MAGI2: variants seen among roughly 807,000 people sequenced by gnomAD.
The protein encoded by MAGI2 is membrane associated guanylate kinase, WW and PDZ domain containing 2, also known as membrane-associated guanylate kinase, WW and PDZ domain-containing protein 2.
A neutral mutation model predicts 133.3 loss-of-function variants in MAGI2; 35 were observed. The observed-to-expected ratio is 0.26, with a 90% CI of 0.20 to 0.35. The LOEUF (loss-of-function observed/expected upper bound fraction) is 0.35, where lower values mean the gene tolerates loss of function less well. Ranked by LOEUF, MAGI2 falls within the 10% of genes least tolerant of loss-of-function variation. The pLI, the probability that MAGI2 is intolerant of heterozygous loss-of-function variation, is 1.00. For missense variants in MAGI2, 1,636 were observed against 1,863.4 expected, an observed-to-expected ratio of 0.88 and a Z score of 2.25; for synonymous variants, 729 against 710.6, an observed-to-expected ratio of 1.03 and a Z score of -0.41.
chr7:79,028,443 T>A (rs2116783584), intron 1 of MAGI2, among the ~76,000 whole-genome samples: 1 of 151,180 alleles, frequency 6.6e-6, no homozygotes, highest in African/African-American at 2.4e-5. Flanking sequence ...GAGAGGCAGT[T>A]GTATTTATAG....
chr7:78,166,375 G>A (rs1481169341), intron 15 of MAGI2, among the ~76,000 whole-genome samples: 1 of 152,094 alleles, frequency 6.6e-6, no homozygotes, highest in Non-Finnish European at 1.5e-5. Flanking sequence ...ATTACTCTGC[G>A]GGGAGAGAGA....
chr7:79,385,696 G>A (rs67486505), intron 1 of MAGI2, among the ~76,000 whole-genome samples: 20,767 of 151,736 alleles, frequency 0.14, 1,548 homozygotes, highest in South Asian at 0.25. Flanking sequence ...CGAGGGGGAC[G>A]GAAATGGGGA....
chr7:79,347,151 C>T (rs1841382431), intron 1 of MAGI2, among the ~76,000 whole-genome samples: 1 of 151,910 alleles, frequency 6.6e-6, no homozygotes, highest in Admixed American at 6.6e-5. Flanking sequence ...TTTTATTTTA[C>T]AAGGAGCCTG....
At chr7:79,084,743 C>T (rs1458708801) in intron 1 of MAGI2, among the ~76,000 whole-genome samples, 1 of 151,680 alleles carries the variant, frequency 6.6e-6, no homozygotes, top group African/African-American at 2.4e-5. Context: ...ATTTGAGTCT[C>T]CAACTAATAC....
intron 9 of MAGI2, among the ~76,000 whole-genome samples, chr7:78,332,491 G>A (rs1471964481): frequency 2.6e-5 from 4 of 152,182 alleles, no homozygotes; most frequent in African/African-American, 9.7e-5. Context: ...AAGGTCAGGA[G>A]ATCGAGACCA....
intron 1 of MAGI2, among the ~76,000 whole-genome samples, chr7:79,025,279 T>C (rs1027041931): frequency 2.0e-5 from 3 of 152,118 alleles, no homozygotes; most frequent in African/African-American, 7.2e-5. Context: ...CATTTTCTCA[T>C]GTATAAGTGG....
At chr7:79,025,956 G>T (rs1809844972) in intron 1 of MAGI2, among the ~76,000 whole-genome samples, 1 of 152,136 alleles carries the variant, frequency 6.6e-6, no homozygotes, top group South Asian at 2.1e-4. Context: ...TATTATAATT[G>T]ACTTTTACTG....
chr7:79,228,443 C>G (rs1383725407), intron 1 of MAGI2, among the ~76,000 whole-genome samples: 1 of 148,154 alleles, frequency 6.7e-6, no homozygotes, highest in East Asian at 2.0e-4. Context: ...TGAGAGTACC[C>G]CTTTAAAAAT....
intron 1 of MAGI2, among the ~76,000 whole-genome samples, chr7:79,059,352 T>C (rs887473824): frequency 7.6e-4 from 115 of 152,096 alleles, no homozygotes; most frequent in Non-Finnish European, 5.9e-5. Context: ...TCAAAAATGC[T>C]CAGTAAATAT....
At chr7:78,874,810 G>A in intron 2 of MAGI2, among the ~76,000 whole-genome samples, 1 of 152,134 alleles carries the variant, frequency 6.6e-6, no homozygotes, top group Non-Finnish European at 1.5e-5. Context: ...AATGGTTGAA[G>A]TAACGGATAG....
chr7:78,048,189 C>T (rs569083303), intron 21 of MAGI2, among the ~76,000 whole-genome samples: 12 of 152,318 alleles, frequency 7.9e-5, no homozygotes, highest in African/African-American at 2.6e-4. Context: ...AATTAAATGG[C>T]AACCAAATGG....
chr7:79,270,001 CT>C (rs1210057221), intron 1 of MAGI2, among the ~76,000 whole-genome samples: 2 of 152,130 alleles, frequency 1.3e-5, no homozygotes, highest in East Asian at 3.9e-4. Context: ...AAAAACATCA[CT>C]TCTGTAAAAC....
At chr7:79,195,945 G>C (rs910772334) in intron 1 of MAGI2, among the ~76,000 whole-genome samples, 10 of 151,920 alleles carry the variant, frequency 6.6e-5, no homozygotes, top group African/African-American at 2.4e-4. Context: ...TAGAATGATG[G>C]TTACCAAGGG....
intron 1 of MAGI2, among the ~76,000 whole-genome samples, chr7:79,284,670 T>C (rs1347201769): frequency 6.6e-6 from 1 of 152,108 alleles, no homozygotes; most frequent in Non-Finnish European, 1.5e-5. Flanking sequence ...TTTAAGAAGA[T>C]CAATAGTTTC....
intron 3 of MAGI2, among the ~76,000 whole-genome samples, chr7:78,539,913 G>A (rs1232310310): frequency 1.3e-5 from 2 of 152,208 alleles, no homozygotes; most frequent in African/African-American, 2.4e-5. Flanking sequence ...AGGGCCTCGG[G>A]TTCGCCAGGA....
chr7:78,828,667 C>A (rs776075712), intron 2 of MAGI2, among the ~76,000 whole-genome samples: 1 of 151,954 alleles, frequency 6.6e-6, no homozygotes, highest in Non-Finnish European at 1.5e-5. Flanking sequence ...CAATATTCGT[C>A]CATTAATTAT....
At chr7:78,661,021 G>A (rs1496786) in intron 2 of MAGI2, among the ~76,000 whole-genome samples, 65,416 of 151,914 alleles carry the variant, frequency 0.43, 14,356 homozygotes, top group Admixed American at 0.5. Flanking sequence ...CACTCCCGTC[G>A]TTCTATTACA....
At chr7:78,488,070 G>T (rs7784056) in intron 6 of MAGI2, among the ~76,000 whole-genome samples, 50,608 of 151,700 alleles carry the variant, frequency 0.33, 9,016 homozygotes, top group African/African-American at 0.45. Flanking sequence ...CTGTAAAAAC[G>T]GTCCGATAAT....
intron 1 of MAGI2, among the ~76,000 whole-genome samples, chr7:79,418,297 G>A (rs906629205): frequency 1.3e-5 from 2 of 152,084 alleles, no homozygotes; most frequent in Non-Finnish European, 2.9e-5. Context: ...AATGCTACAA[G>A]CTTTCTTCAG....
Sources: gnomAD v4.1 joint callset for allele counts (sites outside exome capture counted in the v4.1 genomes callset) on GRCh38, gnomAD v4.1.1 for gene constraint, MANE v1.5 for transcripts, NCBI Gene and HGNC (gene_info 2026-07-23, HGNC 2026-07-21) for gene names.